Variants in ATP4A observed in about 807,000 individuals in gnomAD.
The protein encoded by ATP4A is potassium-transporting ATPase alpha chain 1.
In ATP4A, 73 loss-of-function variants were observed where a neutral mutation model predicts 112.1. The ratio of observed to expected loss-of-function variants is 0.65; its 90% confidence interval spans 0.54 to 0.79. The LOEUF is 0.79. ATP4A is among the 30% of genes least tolerant of loss of function. The pLI, the probability that ATP4A is intolerant of heterozygous loss-of-function variation, is 0.00. For synonymous variants in ATP4A, 588 were observed against 588.9 expected, an observed-to-expected ratio of 1.00 and a Z score of 0.02; for missense variants, 1,081 against 1,425.9, an observed-to-expected ratio of 0.76 and a Z score of 3.90.
Position 35,551,257 on chromosome 19 carries a change from ACC to A in ATP4A, c.2886-148_2886-147del, listed in dbSNP as rs1476221243. On this transcript the variant is annotated intron_variant, in intron 19 of 21. Coordinates refer to ENST00000262623, the MANE Select transcript of ATP4A (RefSeq NM_000704.3). This position sits in a 1 kb window ranked among gnomAD's most constrained non-coding sequence, Gnocchi z 5.2. Reference sequence around the variant, plus strand: ...ACTGGAGTGGCCCGGGCCTCTCAGCACCACCCCTTTAGTGAAATGTGGAGGGG... The same window carrying A: ...ACTGGAGTGGCCCGGGCCTCTCAGCAACCCCTTTAGTGAAATGTGGAGGGG... 3.3e-6 allele frequency: 4 copies of A among 1,210,764 alleles called. No individual in the cohort carries two copies. The highest frequency in any genetic ancestry group is 4.7e-6 in the Non-Finnish European group (4 of 858,050). 75.0% of individuals were successfully genotyped at this position (1,210,764 alleles called of 1,614,324 possible). A position where few individuals can be genotyped will look rare whatever the true frequency, so the allele number is the denominator to read the frequency against.
In ATP4A at chr19:35,560,751, T is replaced by C. The variant is rs530259136; in HGVS notation, c.534+68A>G. 5 of 1,588,016 alleles carry C rather than the reference T, an allele frequency of 3.1e-6. No homozygotes were observed. The highest frequency in any genetic ancestry group is 2.2e-5 in the South Asian group (2 of 90,510). On this transcript the variant is annotated intron_variant, in intron 5 of 21. Coordinates refer to ENST00000262623, the MANE Select transcript of ATP4A (RefSeq NM_000704.3). This position sits in a 1 kb window ranked among gnomAD's most constrained non-coding sequence, Gnocchi z 5.1. ...CCACAGATGAGGGACAGGGGCCTGA[T>C]GGAAGGAGGCTACAGGAGCAGTTTG...
rs1020350490 is a variant in ATP4A at position 35,563,254 on chromosome 19, C to G, written c.171G>C (p.Leu57=). 3 of 1,613,976 alleles carry G rather than the reference C, an allele frequency of 1.9e-6. No homozygotes were observed. The African/African-American group carries it at 4.0e-5, about 22-fold the overall frequency. ...KKEMEINDHQ[L]SVAELEQKYQ... ...ATTTCTGTTCCAGCTCCGCCACTGA[C>G]AGCTGGTGGTCGTTCTGTGTGGTGG... Residue 57 remains leucine (L), a synonymous_variant, in exon 3 of 22, where the codon CTG becomes CTC. Transcript: ENST00000262623.
In ATP4A at chr19:35,559,896, A is replaced by C. The variant is rs2071657436; in HGVS notation, c.965T>G (p.Met322Arg). 6.2e-7 allele frequency: 1 copy of C among 1,614,120 alleles called. No homozygotes were observed. The change falls in exon 7 of 22, where the codon ATG (methionine) becomes AGG (arginine). Residue 322 changes from methionine (M) to arginine (R), a missense_variant. Physicochemically the swap from Met to Arg is moderately conservative, Grantham distance 91. Around this residue, in one of 3 missense-constraint regions of ATP4A, gnomAD observed 850 missense variants for 1,068.2 expected, o/e 0.80. Transcript: ENST00000262623. This position sits in a 1 kb window ranked among gnomAD's most constrained non-coding sequence, Gnocchi z 4.1. The stretch of plus-strand genomic sequence containing the variant: ...CCGCAGGAAGGTGTAGCCAATGCAC[A>C]TGGCCACAATAAAAAATGTGGCACC... ...LFGATFFIVA[M>R]CIGYTFLRAM...
chr19:35,562,290 C>T (rs2146312695), intron 4 of ATP4A, 145 bp downstream of exon 4: 3 of 979,778 alleles, frequency 3.1e-6, no homozygotes, highest in Non-Finnish European at 3.0e-6. Context: ...CAATGTCCTT[C>T]ACCCTCCATG....
chr19:35,551,427 A>G lies in ATP4A; in HGVS notation c.2885+20T>C. The G allele has an allele frequency of 1.2e-6, 2 of 1,613,894 alleles. No homozygotes were observed. Among genetic ancestry groups the G allele is most frequent in the African/African-American group, 1.3e-5 (1 of 75,044 alleles). ...TGGGACCAGGGGTTGGAGGGCAGGAAGAGGGCCAGCCAGGGACACCTGAAG... is the reference window on the plus strand; with the variant it reads ...TGGGACCAGGGGTTGGAGGGCAGGAGGAGGGCCAGCCAGGGACACCTGAAG... On this transcript the variant is annotated intron_variant, in intron 19 of 21. Transcript: ENST00000262623. This position sits in a 1 kb window ranked among gnomAD's most constrained non-coding sequence, Gnocchi z 5.2.
rs200090220 is a variant in ATP4A at position 35,553,695 on chromosome 19, C to A, written c.2605+11G>T. ...CCCCACCTCCAGGCTCCCCGGCCCACGGGCACCCACCAATCTGGAAGTAGG... is the reference window on the plus strand; with the variant it reads ...CCCCACCTCCAGGCTCCCCGGCCCAAGGGCACCCACCAATCTGGAAGTAGG... On this transcript the variant is annotated intron_variant, in intron 17 of 21. Transcript: ENST00000262623. 20 of 1,612,566 alleles carry A rather than the reference C, an allele frequency of 1.2e-5. No homozygotes were observed. Among genetic ancestry groups the A allele is most frequent in the Non-Finnish European group, 1.4e-5 (17 of 1,179,516 alleles).
At chr19:35,553,311 AAG>A (rs778405387) in intron 17 of ATP4A, 129 bp from the exon 18 acceptor site, 2 of 1,105,102 alleles carry the variant, frequency 1.8e-6, no homozygotes, top group Non-Finnish European at 2.5e-6. Context: ...GGGACACGGG[AAG>A]AGAGACAGGG....
chr19:35,561,455 G>A (rs895490696), intron 4 of ATP4A, among the ~76,000 whole-genome samples: 6 of 151,880 alleles, frequency 4.0e-5, no homozygotes, highest in Non-Finnish European at 8.8e-5. Context: ...GACCTTGTAC[G>A]TCATGGTCTG....
intron 16 of ATP4A, among the ~76,000 whole-genome samples, 166 bp downstream of exon 16, chr19:35,554,756 A>C (rs1599571249): frequency 6.6e-6 from 1 of 151,614 alleles, no homozygotes; most frequent in African/African-American, 2.4e-5. Flanking sequence ...AGGTCTGTTC[A>C]CCTGCCTGCC....
At position 35,563,597 on chromosome 19, in the gene ATP4A, G is replaced by A. The variant is rs116201119; in HGVS notation, c.12+21C>T. 4,374 of 1,613,886 alleles carry A rather than the reference G, an allele frequency of 2.7e-3. 104 individuals carry two copies. In the African/African-American group the frequency reaches 0.046, roughly 17 times the overall value. On this transcript the variant is annotated intron_variant, in intron 1 of 21. Coordinates refer to ENST00000262623, the MANE Select transcript of ATP4A (RefSeq NM_000704.3). Reference sequence around the variant, plus strand: ...GCAACCCCTGTCCCCACTGCACCCCGGACCCCTGGGCCCCACTCACGGCCT... The same window carrying A: ...GCAACCCCTGTCCCCACTGCACCCCAGACCCCTGGGCCCCACTCACGGCCT...
At chr19:35,556,710 T>C (rs1247117426) in intron 12 of ATP4A, among the ~76,000 whole-genome samples, 1 of 152,114 alleles carries the variant, frequency 6.6e-6, no homozygotes, top group Non-Finnish European at 1.5e-5. Flanking sequence ...AGCTGAGACA[T>C]GGAGAAAGGA....
Position 35,550,805 on chromosome 19 carries a change from G to A in ATP4A, c.3079+29C>T, listed in dbSNP as rs1387948274. 2 of 1,613,332 alleles carry A rather than the reference G, an allele frequency of 1.2e-6. No homozygotes were observed. Among genetic ancestry groups the A allele is most frequent in the African/African-American group, 1.3e-5 (1 of 74,886 alleles). ...AGCTGCTCAAACGTTTCAGTCCCCTGCCCCCAGGCTCCCAGTCTCCACACT... is the reference window on the plus strand; with the variant it reads ...AGCTGCTCAAACGTTTCAGTCCCCTACCCCCAGGCTCCCAGTCTCCACACT... On this transcript the variant is annotated intron_variant, in intron 21 of 21. Coordinates refer to ENST00000262623, the MANE Select transcript of ATP4A (RefSeq NM_000704.3). This position sits in a 1 kb window ranked among gnomAD's most constrained non-coding sequence, Gnocchi z 4.1.
Position 35,559,301 on chromosome 19 carries a change from A to T in ATP4A, c.1057-110T>A. ...ACCCCAGCCGCGGGGCTGCGTGTGC[A>T]ACGTGCTTCTGCAAACACCAGGTGT... On this transcript the variant is annotated intron_variant, in intron 7 of 21. Coordinates refer to ENST00000262623, the MANE Select transcript of ATP4A (RefSeq NM_000704.3). The surrounding 1 kb of genome is among the most constrained non-coding windows in gnomAD (Gnocchi z 4.1). 8.6e-7 allele frequency: 1 copy of T among 1,167,924 alleles called. No homozygotes were observed. Among genetic ancestry groups the T allele is most frequent in the South Asian group, 1.3e-5 (1 of 74,160 alleles). 72.3% of individuals were successfully genotyped at this position (1,167,924 alleles called of 1,614,324 possible).
Position 35,557,603 on chromosome 19 carries a change from G to A in ATP4A, c.1693+52C>T. 1 of 1,544,316 alleles carries A rather than the reference G, an allele frequency of 6.5e-7. No homozygotes were observed. Among genetic ancestry groups the A allele is most frequent in the South Asian group, 1.2e-5 (1 of 83,194 alleles). On this transcript the variant is annotated intron_variant, in intron 11 of 21. Coordinates refer to ENST00000262623, the MANE Select transcript of ATP4A (RefSeq NM_000704.3). The surrounding 1 kb of genome is among the most constrained non-coding windows in gnomAD (Gnocchi z 4.4). The stretch of plus-strand genomic sequence containing the variant: ...GGGCCGGGAGTGGTGGGCAGGGTCT[G>A]TGCTAGCTCCTCCTCGCACCTGGAG...
chr19:35,560,520 C>T lies in ATP4A; in HGVS notation c.630G>A (p.Val210=), dbSNP rs772842008. 12 of 1,613,414 alleles carry T rather than the reference C, an allele frequency of 7.4e-6. No individual in the cohort carries two copies. In the African/African-American group the frequency reaches 1.1e-4, roughly 14 times the overall value. Reference sequence around the variant, plus strand: ...CCGCCAGGATGCGGATGTCGGCGGGCACTCTGTCCCCACCTTTCATCTCCA... The same window carrying T: ...CCGCCAGGATGCGGATGTCGGCGGGTACTCTGTCCCCACCTTTCATCTCCA... ...DLVEMKGGDR[V]PADIRILAAQ... Residue 210 remains valine (V), a synonymous_variant, in exon 6 of 22, where the codon GTG becomes GTA. Transcript: ENST00000262623. This position sits in a 1 kb window ranked among gnomAD's most constrained non-coding sequence, Gnocchi z 5.1.
Position 35,558,231 on chromosome 19 carries a change from G to C in ATP4A, c.1500+131C>G. 1 of 1,230,734 alleles carries C rather than the reference G, an allele frequency of 8.1e-7. No individual in the cohort carries two copies. Among genetic ancestry groups the C allele is most frequent in the Non-Finnish European group, 1.1e-6 (1 of 907,106 alleles). The allele number at this position is 1,230,734 out of a possible 1,614,324, so 76.2% of individuals were successfully genotyped here. A position where few individuals can be genotyped will look rare whatever the true frequency, so the allele number is the denominator to read the frequency against. ...GGACGGGGCCATAGGCGGAGCGGGA[G>C]ATGGGGTGGGGTTTGGCTGCGGAGA... On this transcript the variant is annotated intron_variant, in intron 10 of 21. Transcript: ENST00000262623. The surrounding 1 kb of genome is among the most constrained non-coding windows in gnomAD (Gnocchi z 5.1).
intron 18 of ATP4A, 53 bp downstream of exon 18, chr19:35,552,984 T>C (rs1244789348): frequency 1.3e-6 from 2 of 1,526,570 alleles, no homozygotes; most frequent in Admixed American, 1.9e-5. Context: ...ACAAGGCAAG[T>C]TGCCCTGGGA....
chr19:35,562,485 T>C lies in ATP4A; in HGVS notation c.370A>G (p.Ile124Val), dbSNP rs1190770516. 1 of 1,614,052 alleles carries C rather than the reference T, an allele frequency of 6.2e-7. No homozygotes were observed. Among genetic ancestry groups the C allele is most frequent in the African/African-American group, 1.3e-5 (1 of 74,938 alleles). Reference sequence around the variant, plus strand: ...TCACTAGCCTGGATGGCAAAGGCGATGAGGCAGATGGCGGCGGCAACCCAC... The same window carrying C: ...TCACTAGCCTGGATGGCAAAGGCGACGAGGCAGATGGCGGCGGCAACCCAC... Reference protein sequence around the residue: ...LMWVAAAICLIAFAIQASEGD... With the variant: ...LMWVAAAICLVAFAIQASEGD... Residue 124 changes from isoleucine (I) to valine (V), a missense_variant, in exon 4 of 22, where the codon ATC becomes GTC. Coordinates refer to ENST00000262623, the MANE Select transcript of ATP4A (RefSeq NM_000704.3).
In ATP4A at chr19:35,558,927, T is replaced by TC; in HGVS notation, c.1255+65dup. ...GTACAAAGCCCTCCCTACCTCCCTA[T>TC]CCCTCTTCAGGTCTCCACCATCCAC... On this transcript the variant is annotated intron_variant, in intron 8 of 21. Coordinates refer to ENST00000262623, the MANE Select transcript of ATP4A (RefSeq NM_000704.3). This position sits in a 1 kb window ranked among gnomAD's most constrained non-coding sequence, Gnocchi z 5.1. 6.3e-7 allele frequency: 1 copy of TC among 1,583,154 alleles called. No individual in the cohort carries two copies. Among genetic ancestry groups the TC allele is most frequent in the South Asian group, 1.1e-5 (1 of 89,242 alleles).
Sources: gnomAD v4.1 joint callset for allele counts (sites outside exome capture counted in the v4.1 genomes callset) on GRCh38, gnomAD v4.1.1 for gene constraint, gnomAD v4.1.1 regional missense constraint, Gnocchi (gnomAD v3.1) non-coding constraint, MANE v1.5 for transcripts, NCBI Gene and HGNC (gene_info 2026-07-23, HGNC 2026-07-21) for gene names.